MRTFB: variants seen among roughly 807,000 people sequenced by gnomAD.
The protein encoded by MRTFB is myocardin-related transcription factor B.
Under a neutral mutation model 104.2 loss-of-function variants are expected in MRTFB, and 29 were observed. That is an observed-to-expected ratio of 0.28 (90% CI 0.21 to 0.38). The LOEUF (loss-of-function observed/expected upper bound fraction) is 0.38. MRTFB is among the 10% of genes least tolerant of loss of function. The probability of loss-of-function intolerance (pLI) is 1.00; values close to 1 mark genes in which losing one functional copy is unlikely to be tolerated. For synonymous variants in MRTFB, 535 were observed against 519.5 expected (o/e 1.03, Z -0.41); for missense variants, 1,270 against 1,341.6 (o/e 0.95, Z 0.83).
At chr16:14,242,619 G>C (rs988887896) in intron 10 of MRTFB, among the ~76,000 whole-genome samples, 1 of 152,122 alleles carries the variant, frequency 6.6e-6, no homozygotes, top group African/African-American at 2.4e-5. Context: ...CGCCCAAAGG[G>C]ACTAGGCTTT....
chr16:14,023,559 A>G, the MRTFB span, among the ~76,000 whole-genome samples: 2 of 151,644 alleles, frequency 1.3e-5, no homozygotes, highest in Non-Finnish European at 2.9e-5. Flanking sequence ...AAGAGTAACA[A>G]TATCGGCCCC....
chr16:14,149,392 T>G (rs2038498271), intron 3 of MRTFB: 1 of 152,258 alleles, frequency 6.6e-6, no homozygotes, highest in Non-Finnish European at 1.5e-5. Context: ...GTTTAAAAAC[T>G]GACAAGTGTT....
chr16:14,200,330 C>G, intron 3 of MRTFB: 1 of 1,607,218 alleles, frequency 6.2e-7, no homozygotes, highest in South Asian at 1.1e-5. Flanking sequence ...ACGTGGCTCC[C>G]GGAAGTAAGG....
At chr16:14,220,303 CTT>C (rs2041632831) in intron 8 of MRTFB, among the ~76,000 whole-genome samples, 1 of 152,192 alleles carries the variant, frequency 6.6e-6, no homozygotes, top group East Asian at 1.9e-4. Flanking sequence ...AACAGTTACA[CTT>C]ATCCATTTGG....
At chr16:14,259,484 A>G (rs1316177666) in intron 16 of MRTFB, among the ~76,000 whole-genome samples, 5 of 151,804 alleles carry the variant, frequency 3.3e-5, no homozygotes, top group African/African-American at 1.2e-4. Context: ...TACTTGTGAC[A>G]CCGTGCCTTG....
rs2043804895 is a variant in MRTFB at position 14,262,249 on chromosome 16, A to C, written c.*805A>C. On this transcript the variant is annotated 3_prime_UTR_variant, in exon 17 of 17. Transcript: ENST00000571589. ...TTTGTATGTATGCTCTGACATTGTG[A>C]TTTGTACAGCCTACGCTGGGGTAAG... 1.3e-5 allele frequency: 2 copies of C among 152,174 alleles called. No homozygotes were observed. Among genetic ancestry groups the C allele is most frequent in the Non-Finnish European group, 2.9e-5 (2 of 68,018 alleles). The allele number at this position is 152,174 out of a possible 1,614,324, so 9.4% of individuals were successfully genotyped here. A position where few individuals can be genotyped will look rare whatever the true frequency, so the allele number is the denominator to read the frequency against.
chr16:14,157,522 C>A (rs950320333), intron 3 of MRTFB, among the ~76,000 whole-genome samples: 1 of 152,132 alleles, frequency 6.6e-6, no homozygotes, highest in African/African-American at 2.4e-5. Context: ...CCCTTACTGC[C>A]CACATGAGCT....
At chr16:14,026,732 G>A in the MRTFB span, among the ~76,000 whole-genome samples, 1 of 152,296 alleles carries the variant, frequency 6.6e-6, no homozygotes, top group African/African-American at 2.4e-5. Flanking sequence ...ATTAGAAAAT[G>A]GGCAAAAGGC....
the MRTFB span, among the ~76,000 whole-genome samples, chr16:14,036,296 T>TTATATA: frequency 0.033 from 3,237 of 98,244 alleles, 153 homozygotes; most frequent in African/African-American, 0.074. Context: ...TTATATATAT[T>TTATATA]TATATATATA....
intron 3 of MRTFB, chr16:14,170,113 G>T (rs187675562): frequency 6.6e-6 from 1 of 151,736 alleles, no homozygotes; most frequent in East Asian, 1.9e-4. Flanking sequence ...TGTTTTTATG[G>T]CTTCCTTTTC....
chr16:14,246,348 A>G (rs2043016573), intron 11 of MRTFB, 125 bp from the exon 12 acceptor site: 5 of 853,432 alleles, frequency 5.9e-6, no homozygotes, highest in Non-Finnish European at 7.2e-6. Context: ...AACCAGTTCT[A>G]CTTTCAGGTG....
chr16:14,016,201 C>T, the MRTFB span, among the ~76,000 whole-genome samples: 4 of 151,968 alleles, frequency 2.6e-5, no homozygotes, highest in East Asian at 7.7e-4. Flanking sequence ...GATGTGGGAG[C>T]TCTGTAGAAA....
intron 2 of MRTFB, among the ~76,000 whole-genome samples, chr16:14,138,822 A>G (rs374304509): frequency 1.3e-4 from 20 of 152,384 alleles, no homozygotes; most frequent in African/African-American, 4.6e-4. Flanking sequence ...AGGCAGCTTA[A>G]TAAAGACAAT....
chr16:14,014,893 C>T, the MRTFB span, among the ~76,000 whole-genome samples: 2 of 151,946 alleles, frequency 1.3e-5, no homozygotes, highest in African/African-American at 2.4e-5. Flanking sequence ...AAAAAACTCT[C>T]AGTTCGGTGT....
At chr16:14,134,012 T>G (rs1201096708) in intron 2 of MRTFB, among the ~76,000 whole-genome samples, 9 of 151,290 alleles carry the variant, frequency 5.9e-5, no homozygotes, top group Admixed American at 4.6e-4. Context: ...GTTCAAATTT[T>G]TATAGATGGA....
At chr16:14,249,196 GATCC>G in intron 13 of MRTFB, 115 bp downstream of exon 13, 3 of 1,240,852 alleles carry the variant, frequency 2.4e-6, no homozygotes, top group Non-Finnish European at 1.1e-6. Flanking sequence ...TCTTTTCTGT[GATCC>G]ATCTCCCATA....
intron 3 of MRTFB, chr16:14,187,181 C>T: frequency 1.5e-6 from 1 of 684,106 alleles, no homozygotes; most frequent in South Asian, 2.1e-5. Flanking sequence ...GAAATGAAAG[C>T]TTAATGCTGT....
chr16:14,257,707 T>C (rs1371900777), intron 15 of MRTFB, among the ~76,000 whole-genome samples: 1 of 152,228 alleles, frequency 6.6e-6, no homozygotes, highest in Non-Finnish European at 1.5e-5. Context: ...TTTACATAAG[T>C]GCACCTTATT....
In MRTFB at chr16:14,228,755, C is replaced by T. The variant is rs188273256; in HGVS notation, c.694-5391C>T. Among the ~76,000 whole-genome samples the T allele has an allele frequency of 2.9e-3, 438 of 152,060 alleles. No individual in the cohort carries two copies. In the Middle Eastern group the frequency reaches 0.031, roughly 11 times the overall value. On this transcript the variant is annotated intron_variant, in intron 8 of 16. Transcript: ENST00000571589. ...TAGTATTCAGCCTTTAAAAAGGAAGCAAATTCTGCATTCCGTCATTGATGA... is the reference window on the plus strand; with the variant it reads ...TAGTATTCAGCCTTTAAAAAGGAAGTAAATTCTGCATTCCGTCATTGATGA...
Sources: allele counts gnomAD v4.1 joint callset (sites outside exome capture counted in the v4.1 genomes callset), GRCh38; gene constraint gnomAD v4.1.1; transcripts MANE v1.5; gene names NCBI Gene and HGNC (gene_info 2026-07-23, HGNC 2026-07-21).